The following CHD1 variants were observed in gnomAD, a reference collection of about 807,000 sequenced individuals.
The protein encoded by CHD1 is chromodomain helicase DNA binding protein 1.
CHD1 carries 36 observed loss-of-function variants against 224.2 expected under a neutral mutation model. That is an observed-to-expected ratio of 0.16 (90% CI 0.12 to 0.21). CHD1 has a LOEUF of 0.21. Among genes scored for constraint, CHD1 ranks in the 10% least tolerant of loss-of-function variants. The pLI, the probability that CHD1 is intolerant of heterozygous loss-of-function variation, is 1.00. For synonymous variants in CHD1, 668 were observed against 658.3 expected, an observed-to-expected ratio of 1.01 and a Z score of -0.23; for missense variants, 1,378 against 1,994.8, an observed-to-expected ratio of 0.69 and a Z score of 5.89.
chr5:98,890,323 T>C (rs1170319995), intron 15 of CHD1, among the ~76,000 whole-genome samples: 2 of 152,216 alleles, frequency 1.3e-5, no homozygotes, highest in East Asian at 3.8e-4. Context: ...TACCACTAGT[T>C]ATACAGGCAG....
At chr5:98,864,129 T>C (rs1748679364) in intron 31 of CHD1, among the ~76,000 whole-genome samples, 1 of 152,184 alleles carries the variant, frequency 6.6e-6, no homozygotes. Context: ...TTCCTTGGCC[T>C]GTACATTCCT....
intron 16 of CHD1, among the ~76,000 whole-genome samples, chr5:98,888,790 A>AT (rs1308572765): frequency 6.6e-6 from 1 of 152,084 alleles, no homozygotes; most frequent in Non-Finnish European, 1.5e-5. Context: ...ACTATTAACG[A>AT]TTTTTTCATA....
chr5:98,905,885 G>A (rs1385501800), intron 2 of CHD1, among the ~76,000 whole-genome samples: 1 of 152,068 alleles, frequency 6.6e-6, no homozygotes, highest in Non-Finnish European at 1.5e-5. Flanking sequence ...TATCCCCAAG[G>A]TCATTTGTTT....
intron 2 of CHD1, among the ~76,000 whole-genome samples, chr5:98,924,265 G>GAA (rs541267307): frequency 6.8e-6 from 1 of 147,872 alleles, no homozygotes; most frequent in Non-Finnish European, 1.5e-5. Context: ...GAAAAGAAAA[G>GAA]AAAAAAAAAA....
intron 2 of CHD1, among the ~76,000 whole-genome samples, chr5:98,907,985 ATAAAG>A (rs1011146594): frequency 4.6e-5 from 7 of 152,182 alleles, no homozygotes; most frequent in African/African-American, 1.7e-4. Flanking sequence ...CCTCTCCCTA[ATAAAG>A]TAATTTTATT....
At chr5:98,882,178 A>G in intron 19 of CHD1, 55 bp from the exon 20 acceptor site, 1 of 1,485,008 alleles carries the variant, frequency 6.7e-7, no homozygotes, top group South Asian at 1.2e-5. Context: ...TGTTTTGCTA[A>G]CCTCAAGTGC....
chr5:98,905,471 A>G (rs1287009635), intron 2 of CHD1, among the ~76,000 whole-genome samples: 1 of 152,220 alleles, frequency 6.6e-6, no homozygotes, highest in Non-Finnish European at 1.5e-5. Context: ...CTACCTTTAT[A>G]AAGCTCTAGC....
chr5:98,916,858 T>C (rs1364131610), intron 2 of CHD1, among the ~76,000 whole-genome samples: 1 of 152,188 alleles, frequency 6.6e-6, no homozygotes, highest in East Asian at 1.9e-4. Flanking sequence ...AGATAAAAGA[T>C]GATTAGAAAT....
At chr5:98,899,891 A>G (rs897874875) in intron 7 of CHD1, among the ~76,000 whole-genome samples, 186 bp from the exon 8 acceptor site, 1 of 152,178 alleles carries the variant, frequency 6.6e-6, no homozygotes, top group Admixed American at 6.5e-5. Flanking sequence ...ATTATCTAAT[A>G]TAATCCCCTC....
At chr5:98,927,844 C>G (rs1398001770) in intron 1 of CHD1, among the ~76,000 whole-genome samples, 1 of 152,166 alleles carries the variant, frequency 6.6e-6, no homozygotes, top group Non-Finnish European at 1.5e-5. Context: ...AATAAGTCCT[C>G]TGAGACCCTT....
chr5:98,921,170 T>C (rs575838540), intron 2 of CHD1, among the ~76,000 whole-genome samples: 76 of 152,320 alleles, frequency 5.0e-4, no homozygotes, highest in African/African-American at 1.8e-3. Context: ...ATTCAAGTAA[T>C]GCACAATGCC....
In CHD1 at chr5:98,868,478, G is replaced by T; in HGVS notation, c.4248+17C>A. 6.3e-7 allele frequency: 1 copy of T among 1,587,356 alleles called. No homozygotes were observed. Among genetic ancestry groups the T allele is most frequent in the South Asian group, 1.2e-5 (1 of 84,326 alleles). On this transcript the variant is annotated intron_variant, in intron 31 of 35. Coordinates refer to ENST00000614616, the MANE Select transcript of CHD1 (RefSeq NM_001270.4). ...TTTTATGAGTTAATACTAATAATCA[G>T]AAAGTCTAAGGCTTACAATGCTGAA...
At chr5:98,877,672 C>A (rs1749863869) in intron 23 of CHD1, among the ~76,000 whole-genome samples, 3 of 152,118 alleles carry the variant, frequency 2.0e-5, no homozygotes, top group Non-Finnish European at 4.4e-5. Flanking sequence ...GGTATTTAGA[C>A]CTTTTTTTTC....
rs528471904 is a variant in CHD1 at position 98,874,828 on chromosome 5, C to T, written c.3440+244G>A. ...ATAAAGATTGTAAAAAGTGCCTTAC[C>T]GTCATAAAAGTGCAATTTAAACATG... On this transcript the variant is annotated intron_variant, in intron 25 of 35. Transcript: ENST00000614616. 7.2e-5 allele frequency among the ~76,000 whole-genome samples: 11 copies of T among 152,010 alleles called. No homozygotes were observed. The South Asian group carries it at 1.9e-3, about 26-fold the overall frequency.
At chr5:98,913,528 G>A (rs916808048) in intron 2 of CHD1, among the ~76,000 whole-genome samples, 1 of 152,094 alleles carries the variant, frequency 6.6e-6, no homozygotes, top group Admixed American at 6.5e-5. Flanking sequence ...ATTTTTGGAC[G>A]CACACTTCCC....
At chr5:98,900,592 A>G (rs1362076432) in intron 7 of CHD1, among the ~76,000 whole-genome samples, 1 of 151,760 alleles carries the variant, frequency 6.6e-6, no homozygotes, top group Non-Finnish European at 1.5e-5. Flanking sequence ...GGTGCGCACC[A>G]CCTCACCTAG....
At chr5:98,925,005 C>A (rs1027866168) in intron 2 of CHD1, among the ~76,000 whole-genome samples, 1 of 151,794 alleles carries the variant, frequency 6.6e-6, no homozygotes, top group African/African-American at 2.4e-5. Context: ...AAGAAAAGTC[C>A]AAGTTTCAGA....
rs560872009 is a variant in CHD1, at chr5:98,928,610, C to T, written c.-220G>A. The T allele has an allele frequency of 2.6e-5, 4 of 152,312 alleles. No individual in the cohort carries two copies. Among genetic ancestry groups the T allele is most frequent in the African/African-American group, 9.6e-5 (4 of 41,566 alleles). The allele number at this position is 152,312 out of a possible 1,614,324, so 9.4% of individuals were successfully genotyped here. A position where few individuals can be genotyped will look rare whatever the true frequency, so the allele number is the denominator to read the frequency against. On this transcript the variant is annotated 5_prime_UTR_variant, in exon 1 of 36. Transcript: ENST00000614616. ...CCCCCGCGCCCAGGCCCGGGATCTC[C>T]GCCGCCCAGTCCTAGGGCTCCGGCG...
At chr5:98,876,326 T>C in intron 24 of CHD1, 72 bp downstream of exon 24, 1 of 1,457,540 alleles carries the variant, frequency 6.9e-7, no homozygotes, top group Admixed American at 1.9e-5. Flanking sequence ...TTTTGAAAAT[T>C]ACGGCGTTTT....
Sources: allele counts gnomAD v4.1 joint callset (sites outside exome capture counted in the v4.1 genomes callset), GRCh38; gene constraint gnomAD v4.1.1; transcripts MANE v1.5; gene names NCBI Gene and HGNC (gene_info 2026-07-23, HGNC 2026-07-21).